RFX7: variants seen among roughly 807,000 people sequenced by gnomAD.
RFX7 encodes the protein regulatory factor X7.
Under a neutral mutation model 111.8 loss-of-function variants are expected in RFX7, and 26 were observed. That is an observed-to-expected ratio of 0.23 (90% confidence interval 0.17 to 0.32). RFX7 has a LOEUF of 0.32. RFX7 is among the 10% of genes least tolerant of loss of function. The probability of loss-of-function intolerance (pLI) is 1.00; values close to 1 mark genes in which losing one functional copy is unlikely to be tolerated. For synonymous variants in RFX7, 624 were observed against 624.4 expected (o/e 1.00, Z 0.01); for missense variants, 1,573 against 1,772.9 (o/e 0.89, Z 2.02).
chr15:56,175,279 A>AAG (rs2042891549), intron 3 of RFX7, among the ~76,000 whole-genome samples: 1 of 152,232 alleles, frequency 6.6e-6, no homozygotes, highest in East Asian at 1.9e-4. Context: ...GATATTATAG[A>AAG]AGAACCAACT....
Position 56,185,868 on chromosome 15 carries a change from A to G in RFX7, c.162-6565T>C, listed in dbSNP as rs144551780. Among the ~76,000 whole-genome samples, 625 of 152,252 alleles carry G rather than the reference A, an allele frequency of 4.1e-3. 9 individuals are homozygous for G. The highest frequency in any genetic ancestry group is 0.015 in the African/African-American group (605 of 41,556). ...AGTCCTGTATACCTGGATTGGCATTAATTTCTCTCGTGATTTGAAATTTTT... is the reference window on the plus strand; with the variant it reads ...AGTCCTGTATACCTGGATTGGCATTGATTTCTCTCGTGATTTGAAATTTTT... On this transcript the variant is annotated intron_variant, in intron 2 of 9. Transcript: ENST00000559447.
At chr15:56,233,132 G>A (rs569911335) in intron 2 of RFX7, among the ~76,000 whole-genome samples, 46 of 152,230 alleles carry the variant, frequency 3.0e-4, no homozygotes, top group African/African-American at 8.2e-4. Flanking sequence ...AGACATACCC[G>A]AGACTGGGTA....
intron 3 of RFX7, among the ~76,000 whole-genome samples, chr15:56,163,051 T>C (rs1410109075): frequency 6.6e-6 from 1 of 152,170 alleles, no homozygotes; most frequent in Non-Finnish European, 1.5e-5. Flanking sequence ...TTATTTGATA[T>C]ATTTTAATTA....
chr15:56,173,671 A>C (rs1446796027), intron 3 of RFX7, among the ~76,000 whole-genome samples: 1 of 151,836 alleles, frequency 6.6e-6, no homozygotes, highest in Non-Finnish European at 1.5e-5. Context: ...AATCCCAGCT[A>C]CTCTGGAGGC....
At chr15:56,226,647 A>T (rs145260652) in intron 2 of RFX7, among the ~76,000 whole-genome samples, 1 of 152,212 alleles carries the variant, frequency 6.6e-6, no homozygotes. Flanking sequence ...AGAAGCAAAG[A>T]TGGAATAAGA....
chr15:56,143,969 A>T (rs961331068), intron 4 of RFX7, among the ~76,000 whole-genome samples: 7 of 152,288 alleles, frequency 4.6e-5, no homozygotes, highest in African/African-American at 1.7e-4. Context: ...CCTTACATTT[A>T]TGAATTCATG....
rs140511108 is a variant in RFX7 at position 56,115,997 on chromosome 15, G to A, written c.402-12327C>T. 1.3e-3 allele frequency among the ~76,000 whole-genome samples: 198 copies of A among 151,576 alleles called. 2 individuals carry two copies. Among genetic ancestry groups the A allele is most frequent in the African/African-American group, 4.6e-3 (192 of 41,300 alleles). ...TAAAATGTCCAGATTTATGATTATC[G>A]ACAGTAACTACCTATAGATTAAGAA... On this transcript the variant is annotated intron_variant, in intron 5 of 9. Transcript: ENST00000559447.
intron 3 of RFX7, among the ~76,000 whole-genome samples, chr15:56,148,406 C>A (rs192924184): frequency 2.5e-4 from 38 of 152,310 alleles, no homozygotes; most frequent in African/African-American, 8.7e-4. Context: ...TGACCTTTCA[C>A]ATTCTGGACA....
chr15:56,214,434 G>A (rs1461343159), intron 2 of RFX7, among the ~76,000 whole-genome samples: 1 of 152,104 alleles, frequency 6.6e-6, no homozygotes, highest in Non-Finnish European at 1.5e-5. Flanking sequence ...TCCTATAATA[G>A]GTCAGGCGCG....
At chr15:56,151,599 A>G in intron 3 of RFX7, among the ~76,000 whole-genome samples, 1 of 152,250 alleles carries the variant, frequency 6.6e-6, no homozygotes, top group East Asian at 1.9e-4. Context: ...CAGCCACTGC[A>G]AAAACATACC....
chr15:56,134,621 T>C (rs1317219025), intron 5 of RFX7, among the ~76,000 whole-genome samples: 1 of 71,934 alleles, frequency 1.4e-5, no homozygotes, highest in Non-Finnish European at 4.0e-5. Flanking sequence ...TTACTTTCTT[T>C]TTTTTTTTTT....
intron 3 of RFX7, among the ~76,000 whole-genome samples, chr15:56,157,128 A>C (rs2042662816): frequency 6.6e-6 from 1 of 152,210 alleles, no homozygotes; most frequent in Non-Finnish European, 1.5e-5. Flanking sequence ...TAGTGGTTGA[A>C]AGTGCTGCTA....
intron 5 of RFX7, among the ~76,000 whole-genome samples, chr15:56,134,884 G>A (rs542489865): frequency 8.2e-4 from 125 of 151,910 alleles, no homozygotes; most frequent in Middle Eastern, 3.4e-3. Context: ...TTGTTCTTGC[G>A]ATAGTTTACT....
chr15:56,196,435 T>G (rs374294342), intron 2 of RFX7, among the ~76,000 whole-genome samples: 1 of 152,150 alleles, frequency 6.6e-6, no homozygotes. Context: ...TTCTGCGGCA[T>G]GTATCACTCT....
At chr15:56,140,635 T>G (rs2042379245) in intron 5 of RFX7, among the ~76,000 whole-genome samples, 1 of 152,198 alleles carries the variant, frequency 6.6e-6, no homozygotes, top group African/African-American at 2.4e-5. Context: ...CCCCGCTAAA[T>G]CACTTTCTTT....
At chr15:56,123,351 A>C (rs1449434701) in intron 5 of RFX7, among the ~76,000 whole-genome samples, 1 of 152,134 alleles carries the variant, frequency 6.6e-6, no homozygotes, top group African/African-American at 2.4e-5. Context: ...GTGTGTCTAG[A>C]AATGTCATTT....
In RFX7 at chr15:56,237,993, C is replaced by A. The variant is rs987963812; in HGVS notation, c.161+5132G>T. 4.6e-5 allele frequency among the ~76,000 whole-genome samples: 7 copies of A among 152,246 alleles called. 1 individual carries two copies. The South Asian group carries it at 1.0e-3, about 23-fold the overall frequency. On this transcript the variant is annotated intron_variant, in intron 2 of 9. Coordinates refer to ENST00000559447, the MANE Select transcript of RFX7 (RefSeq NM_022841.7). ...CTAATCAAAAATACATGGAAGCCAG[C>A]TGATGTGCTAGTCGGTCTGTATTTT...
At chr15:56,124,052 T>G (rs1241039245) in intron 5 of RFX7, among the ~76,000 whole-genome samples, 1 of 152,154 alleles carries the variant, frequency 6.6e-6, no homozygotes, top group Non-Finnish European at 1.5e-5. Flanking sequence ...TAGATAATTG[T>G]TAAATTTGGT....
chr15:56,197,424 C>T (rs150303502), intron 2 of RFX7, among the ~76,000 whole-genome samples: 2 of 152,092 alleles, frequency 1.3e-5, no homozygotes, highest in African/African-American at 2.4e-5. Context: ...TCTTCCTTAC[C>T]GTGAGCTCCC....
Sources: allele counts gnomAD v4.1 joint callset (sites outside exome capture counted in the v4.1 genomes callset), GRCh38; gene constraint gnomAD v4.1.1; transcripts MANE v1.5; gene names NCBI Gene and HGNC (gene_info 2026-07-23, HGNC 2026-07-21).